Variants in AIFM1 observed in about 807,000 individuals in gnomAD.
AIFM1 encodes apoptosis inducing factor mitochondria associated 1, also known as apoptosis-inducing factor 1, mitochondrial.
AIFM1 carries 3 observed loss-of-function variants against 51.7 expected under a neutral mutation model. The observed-to-expected ratio is 0.06, with a 90% confidence interval of 0.03 to 0.15. AIFM1 has a LOEUF of 0.15. Ranked by LOEUF, AIFM1 falls within the 10% of genes least tolerant of loss-of-function variation. The pLI is 1.00. For synonymous variants in AIFM1, 178 were observed against 179.4 expected, an observed-to-expected ratio of 0.99 and a Z score of 0.06; for missense variants, 330 against 476.8, an observed-to-expected ratio of 0.69 and a Z score of 2.87.
chrX:130,137,851 T>C, intron 9 of AIFM1: 1 of 639,771 alleles, frequency 1.6e-6, no homozygotes, highest in Non-Finnish European at 1.9e-6. Flanking sequence ...TCACCTGAGG[T>C]TGGGAGTTCA....
At chrX:130,158,799 G>T (rs1282278394) in intron 1 of AIFM1, among the ~76,000 whole-genome samples, 3 of 109,399 alleles carry the variant, frequency 2.7e-5, no homozygotes, top group Non-Finnish European at 5.7e-5. Context: ...GGTTGGACAA[G>T]CTTAGTCTAG....
At chrX:130,131,912 C>T (rs910113404) in intron 13 of AIFM1, 113 bp from the exon 14 acceptor site, 42 of 992,895 alleles carry the variant, frequency 4.2e-5, no homozygotes, top group Non-Finnish European at 5.9e-5. Context: ...TCACTCGTTG[C>T]CCAGGCTGGA....
At chrX:130,137,575 A>C (rs1332465859) in intron 9 of AIFM1, 9 of 1,155,546 alleles carry the variant, frequency 7.8e-6, no homozygotes, top group African/African-American at 1.8e-5. Flanking sequence ...TTCCAACTGG[A>C]GCTCACAGAT....
intron 2 of AIFM1, chrX:130,155,021 C>T (rs946477232): frequency 1.2e-6 from 1 of 829,245 alleles, no homozygotes; most frequent in South Asian, 2.2e-5. Flanking sequence ...TAGTGACTGA[C>T]AATGTCCCTT....
In AIFM1 at chrX:130,129,989, C is replaced by T. The variant is rs747871895; in HGVS notation, c.1751G>A (p.Arg584Gln). The T allele has an allele frequency of 5.8e-6, 7 of 1,211,653 alleles. No homozygotes were observed. Among genetic ancestry groups the T allele is most frequent in the South Asian group, 1.8e-5 (1 of 56,994 alleles). The change falls in exon 15 of 16, where the codon CGA (arginine) becomes CAA (glutamine). Residue 584 changes from arginine to glutamine, a missense_variant. Coordinates refer to ENST00000287295, the MANE Select transcript of AIFM1 (RefSeq NM_004208.4). ...ACCTACCTTCCTTGCTATTGGCATT[C>T]GGTTAAAGATGTTCCATAGCACAAT... ...VGIVLWNIFN[R>Q]MPIARKIIKD...
Position 130,139,877 on chromosome X carries a change from A to G in AIFM1, c.782-6T>C. 1 of 1,204,638 alleles carries G rather than the reference A, an allele frequency of 8.3e-7. No homozygotes were observed. The highest frequency in any genetic ancestry group is 1.1e-6 in the Non-Finnish European group (1 of 889,416). ...CAGACTTCTTGGAGTACCTCCTGGA[A>G]ATAAGAGAAGGAAAACCCTTTAGCC... is the stretch of plus-strand genomic sequence containing the variant. On this transcript the variant is annotated splice_region_variant and splice_polypyrimidine_tract_variant and intron_variant, in intron 7 of 15. Transcript: ENST00000287295.
intron 13 of AIFM1, 80 bp from the exon 14 acceptor site, chrX:130,131,879 T>TG: frequency 9.5e-7 from 1 of 1,052,054 alleles, no homozygotes; most frequent in Non-Finnish European, 1.3e-6. Flanking sequence ...GACACTGCAT[T>TG]TTTTTTTTTT....
intron 11 of AIFM1, among the ~76,000 whole-genome samples, chrX:130,136,430 T>C (rs943681695): frequency 8.9e-6 from 1 of 112,328 alleles, no homozygotes; most frequent in Non-Finnish European, 1.9e-5. Flanking sequence ...GTGAGACAGA[T>C]AGAATGGGGC....
chrX:130,160,494 G>A (rs777061492), intron 1 of AIFM1, among the ~76,000 whole-genome samples: 8 of 112,318 alleles, frequency 7.1e-5, no homozygotes, highest in Non-Finnish European at 7.5e-5. Flanking sequence ...ACACACAGAT[G>A]TTTGCTCAAT....
At chrX:130,140,000 C>G (rs981257508) in intron 7 of AIFM1, 129 bp from the exon 8 acceptor site, 3 of 596,213 alleles carry the variant, frequency 5.0e-6, no homozygotes, top group African/African-American at 2.2e-5. Flanking sequence ...GATAGGATAC[C>G]AAGGCTTTGT....
At chrX:130,131,558 C>T (rs2030080429) in intron 14 of AIFM1, 117 bp downstream of exon 14, 2 of 1,057,148 alleles carry the variant, frequency 1.9e-6, no homozygotes, top group East Asian at 3.0e-5. Context: ...TAAAGCACAA[C>T]ATGAAGAGAG....
chrX:130,146,675 A>C (rs2124663418), intron 5 of AIFM1, among the ~76,000 whole-genome samples: 1 of 110,949 alleles, frequency 9.0e-6, no homozygotes, highest in Admixed American at 9.7e-5. Flanking sequence ...ATTGAGATCT[A>C]AGTTGTCCAT....
chrX:130,158,284 A>C (rs976094280), intron 1 of AIFM1, among the ~76,000 whole-genome samples: 1 of 111,841 alleles, frequency 8.9e-6, no homozygotes, highest in Admixed American at 9.5e-5. Context: ...AAAAGAGAAA[A>C]AGAAAAAAGA....
intron 1 of AIFM1, among the ~76,000 whole-genome samples, chrX:130,160,883 A>AAAATAAATAAAT (rs754564979): frequency 2.6e-3 from 282 of 107,063 alleles, no homozygotes; most frequent in African/African-American, 7.7e-3. Context: ...TCTCTACTTA[A>AAAATAAATAAAT]AAATAAATAA....
At chrX:130,147,728 C>T in intron 4 of AIFM1, 24 bp downstream of exon 4, 1 of 1,211,828 alleles carries the variant, frequency 8.3e-7, no homozygotes, top group African/African-American at 1.7e-5. Context: ...CCCTCTGTGC[C>T]AAGCAAAAAA....
chrX:130,139,295 G>A (rs774892393), intron 8 of AIFM1, among the ~76,000 whole-genome samples: 17 of 108,002 alleles, frequency 1.6e-4, no homozygotes, highest in Non-Finnish European at 2.7e-4. Flanking sequence ...TCGCACCACC[G>A]CACTCCAGCC....
intron 1 of AIFM1, among the ~76,000 whole-genome samples, chrX:130,163,678 A>G (rs889478908): frequency 1.8e-5 from 2 of 112,258 alleles, no homozygotes; most frequent in African/African-American, 6.5e-5. Flanking sequence ...AAACCATTTG[A>G]GTCTGTATTT....
intron 1 of AIFM1, among the ~76,000 whole-genome samples, chrX:130,157,126 G>GA (rs1318566821): frequency 1.8e-5 from 2 of 110,363 alleles, no homozygotes; most frequent in South Asian, 3.8e-4. Flanking sequence ...AAGAAAATCA[G>GA]AAAAAAAAAT....
intron 10 of AIFM1, 21 bp downstream of exon 10, chrX:130,137,057 A>T: frequency 8.3e-7 from 1 of 1,211,479 alleles, no homozygotes; most frequent in Non-Finnish European, 1.1e-6. Context: ...GAGTGGCAGC[A>T]TATAGAAACA....
Sources: allele counts gnomAD v4.1 joint callset (sites outside exome capture counted in the v4.1 genomes callset), GRCh38; gene constraint gnomAD v4.1.1; transcripts MANE v1.5; gene names NCBI Gene and HGNC (gene_info 2026-07-23, HGNC 2026-07-21).